Variants in PALM2AKAP2 observed in about 807,000 individuals in gnomAD.
PALM2AKAP2 encodes the protein PALM2-AKAP2 fusion protein.
In PALM2AKAP2, 37 loss-of-function variants were observed where a neutral mutation model predicts 71.5. The observed-to-expected ratio is 0.52, with a 90% CI of 0.40 to 0.68. The LOEUF is 0.68. Ranked by LOEUF, PALM2AKAP2 falls within the 30% of genes least tolerant of loss-of-function variation. The probability of loss-of-function intolerance (pLI) is 0.00; values close to 1 mark genes in which losing one functional copy is unlikely to be tolerated. For synonymous variants in PALM2AKAP2, 468 were observed against 478.8 expected (o/e 0.98, Z 0.29); for missense variants, 1,224 against 1,191.8 (o/e 1.03, Z -0.40).
At chr9:110,061,892 GC>G (rs11305411) in intron 1 of PALM2AKAP2, among the ~76,000 whole-genome samples, 72,687 of 148,686 alleles carry the variant, frequency 0.49, 19,007 homozygotes, top group Admixed American at 0.56. Context: ...AGGGTTTAGG[GC>G]AAGGGTACAC....
intron 1 of PALM2AKAP2, among the ~76,000 whole-genome samples, chr9:110,049,881 TCCAACGCGGATG>T (rs1182836699): frequency 1.3e-5 from 2 of 152,198 alleles, no homozygotes; most frequent in Non-Finnish European, 2.9e-5. Context: ...TGCCGAGCTC[TCCAACGCGGATG>T]CCAGGCGCTC....
At chr9:109,797,720 A>G (rs749723877) in intron 1 of PALM2AKAP2, among the ~76,000 whole-genome samples, 2 of 152,208 alleles carry the variant, frequency 1.3e-5, no homozygotes, top group East Asian at 3.8e-4. Flanking sequence ...TTATTGCTAC[A>G]AGTGAATTTC....
At position 109,918,316 on chromosome 9, in the gene PALM2AKAP2, G is replaced by A. The variant is rs556892227; in HGVS notation, c.258-5419G>A. Among the ~76,000 whole-genome samples, 14 of 152,286 alleles carry A rather than the reference G, an allele frequency of 9.2e-5. No homozygotes were observed. In the East Asian group the frequency reaches 2.7e-3, roughly 29 times the overall value. On this transcript the variant is annotated intron_variant, in intron 3 of 9. Transcript: ENST00000302798. Reference sequence around the variant, plus strand: ...TTCCTTTCTGTTTTCTTGTGAGGATGATCTATTGGGGTTAGGTACATTTTA... The same window carrying A: ...TTCCTTTCTGTTTTCTTGTGAGGATAATCTATTGGGGTTAGGTACATTTTA...
At chr9:109,781,608 C>G (rs1358610378) in intron 1 of PALM2AKAP2, among the ~76,000 whole-genome samples, 1 of 152,180 alleles carries the variant, frequency 6.6e-6, no homozygotes, top group Non-Finnish European at 1.5e-5. Flanking sequence ...AAAATGCACA[C>G]AGACCCTTCC....
At chr9:109,844,067 T>C (rs1467848396) in intron 1 of PALM2AKAP2, among the ~76,000 whole-genome samples, 2 of 152,240 alleles carry the variant, frequency 1.3e-5, no homozygotes, top group Non-Finnish European at 2.9e-5. Context: ...TGAGATATGA[T>C]TGCTCCTCTT....
intron 1 of PALM2AKAP2, among the ~76,000 whole-genome samples, chr9:110,081,101 A>G (rs1162783557): frequency 6.6e-6 from 1 of 152,218 alleles, no homozygotes; most frequent in East Asian, 1.9e-4. Context: ...TACATATTTA[A>G]AGTGAATGCA....
rs34904979 is a variant in PALM2AKAP2, at chr9:109,842,670, G to GA, written c.46-24811dup. ...TGTTGAATCAGCCCCAGTAAGATGTGAAAAAAAAAACAGACTAATGATATC... is the reference window on the plus strand; with the variant it reads ...TGTTGAATCAGCCCCAGTAAGATGTGAAAAAAAAAAACAGACTAATGATATC... On this transcript the variant is annotated intron_variant, in intron 1 of 9. Transcript: ENST00000302798. 2.4e-3 allele frequency among the ~76,000 whole-genome samples: 359 copies of GA among 148,806 alleles called. 2 individuals are homozygous for GA. The highest frequency in any genetic ancestry group is 7.8e-3 in the African/African-American group (319 of 40,808).
intron 6 of PALM2AKAP2, among the ~76,000 whole-genome samples, chr9:109,968,118 G>A (rs528824823): frequency 5.3e-5 from 8 of 152,332 alleles, no homozygotes; most frequent in Admixed American, 1.3e-4. Context: ...AGGCTGTGTG[G>A]TCTGAAGAAG....
chr9:109,778,465 A>G (rs1204004181), upstream of PALM2AKAP2, among the ~76,000 whole-genome samples: 1 of 152,224 alleles, frequency 6.6e-6, no homozygotes. Context: ...ATGAAGAAAA[A>G]AGGATGCATT....
rs201293860 is a variant in PALM2AKAP2, at chr9:109,882,818, T to TA, written c.257+2137_257+2138insA. Among the ~76,000 whole-genome samples the TA allele has an allele frequency of 9.1e-4, 133 of 146,240 alleles. 1 individual carries two copies. Among genetic ancestry groups the TA allele is most frequent in the African/African-American group, 3.1e-3 (125 of 40,652 alleles). ...CCACTGTGCCTAGCATTATTATTAT[T>TA]TTTTTTTTTTGGTAGAGAAAGAGTC... On this transcript the variant is annotated intron_variant, in intron 3 of 9. Coordinates refer to the PALM2AKAP2 transcript ENST00000302798.
chr9:110,136,554 C>G, exon 2 of PALM2AKAP2: 5 of 1,613,456 alleles, frequency 3.1e-6, no homozygotes, highest in African/African-American at 1.3e-5. Context: ...ACTGAAAGAA[C>G]AGCTAGCCGG....
At chr9:109,983,437 C>G (rs1049771733) in intron 6 of PALM2AKAP2, among the ~76,000 whole-genome samples, 1 of 152,118 alleles carries the variant, frequency 6.6e-6, no homozygotes, top group Non-Finnish European at 1.5e-5. Flanking sequence ...TCACCCCACT[C>G]CTCCTTTTTT....
At chr9:109,693,367 A>G (rs1827925315) in intron 1 of PALM2AKAP2, among the ~76,000 whole-genome samples, 1 of 151,792 alleles carries the variant, frequency 6.6e-6, no homozygotes, top group African/African-American at 2.4e-5. Context: ...TGATCAGTCT[A>G]CCTAGTGTTT....
chr9:109,785,578 C>T (rs530359139), intron 1 of PALM2AKAP2, among the ~76,000 whole-genome samples: 1 of 152,268 alleles, frequency 6.6e-6, no homozygotes, highest in Admixed American at 6.5e-5. Context: ...ACAATCATGG[C>T]AGAAGGTGAA....
intron 1 of PALM2AKAP2, among the ~76,000 whole-genome samples, chr9:109,810,470 A>T (rs1827700037): frequency 6.6e-6 from 1 of 152,184 alleles, no homozygotes; most frequent in African/African-American, 2.4e-5. Flanking sequence ...TATGCCACGA[A>T]ATCTGAGGCC....
chr9:109,672,971 T>A (rs1827597033), intron 1 of PALM2AKAP2, among the ~76,000 whole-genome samples: 1 of 152,080 alleles, frequency 6.6e-6, no homozygotes, highest in South Asian at 2.1e-4. Flanking sequence ...TTTCTGATTG[T>A]GTTTATTAAA....
At chr9:110,151,712 G>A (rs911383464) in intron 2 of PALM2AKAP2, among the ~76,000 whole-genome samples, 48 of 152,324 alleles carry the variant, frequency 3.2e-4, no homozygotes, top group African/African-American at 1.2e-3. Flanking sequence ...GTTTGAATAT[G>A]ATCACGTTTA....
chr9:109,932,070 G>T (rs771574411), intron 6 of PALM2AKAP2, 42 bp downstream of exon 6: 2 of 1,557,524 alleles, frequency 1.3e-6, no homozygotes, highest in East Asian at 4.6e-5. Flanking sequence ...GGTCCAAGGG[G>T]CTTGCATTTC....
chr9:110,054,996 A>G (rs555718373), intron 1 of PALM2AKAP2, among the ~76,000 whole-genome samples: 1 of 152,180 alleles, frequency 6.6e-6, no homozygotes, highest in South Asian at 2.1e-4. Context: ...TCTAAGCCTG[A>G]CTGCCCCCCG....
Sources: allele counts gnomAD v4.1 joint callset (sites outside exome capture counted in the v4.1 genomes callset), GRCh38; gene constraint gnomAD v4.1.1; transcripts MANE v1.5; gene names NCBI Gene and HGNC (gene_info 2026-07-23, HGNC 2026-07-21).